ACOXL: variants seen among roughly 807,000 people sequenced by gnomAD.
ACOXL encodes acyl-coenzyme A oxidase-like protein.
A neutral mutation model predicts 71.9 loss-of-function variants in ACOXL; 70 were observed. The ratio of observed to expected loss-of-function variants is 0.97; its 90% CI spans 0.80 to 1.19. ACOXL has a LOEUF of 1.19. Ranked by LOEUF, ACOXL falls within the 50% of genes most tolerant of loss-of-function variation. The probability of loss-of-function intolerance (pLI) is 0.00; values close to 1 mark genes in which losing one functional copy is unlikely to be tolerated. For synonymous variants in ACOXL, 253 were observed against 281.6 expected, an observed-to-expected ratio of 0.90 and a Z score of 1.02; for missense variants, 703 against 736.3, an observed-to-expected ratio of 0.95 and a Z score of 0.52.
At chr2:110,922,130 T>C (rs1350393901) in intron 11 of ACOXL, among the ~76,000 whole-genome samples, 1 of 152,138 alleles carries the variant, frequency 6.6e-6, no homozygotes, top group Non-Finnish European at 1.5e-5. Context: ...AAGAAGGGGG[T>C]TGGCATTTCC....
chr2:110,854,152 G>GGGAGGGTGTGCCCTGCCCT (rs1692962242), intron 10 of ACOXL, among the ~76,000 whole-genome samples: 3 of 152,102 alleles, frequency 2.0e-5, no homozygotes, highest in Non-Finnish European at 4.4e-5. Flanking sequence ...TGCATGTGTG[G>GGGAGGGTGTGCCCTGCCCT]GGAGGGTGTG....
At chr2:110,990,791 T>G (rs2063140718) in intron 13 of ACOXL, among the ~76,000 whole-genome samples, 1 of 152,236 alleles carries the variant, frequency 6.6e-6, no homozygotes, top group African/African-American at 2.4e-5. Context: ...GTTAGTTTGG[T>G]GAATAATTTT....
At chr2:110,841,319 T>G in intron 9 of ACOXL, 52 bp from the exon 10 acceptor site, 1 of 1,404,160 alleles carries the variant, frequency 7.1e-7, no homozygotes, top group Non-Finnish European at 9.9e-7. Flanking sequence ...TTGTGTGAAT[T>G]CTGCATACTC....
chr2:110,766,557 A>G (rs1681095381), intron 1 of ACOXL, among the ~76,000 whole-genome samples: 2 of 152,190 alleles, frequency 1.3e-5, no homozygotes, highest in Non-Finnish European at 2.9e-5. Context: ...TGTCACCGGT[A>G]TGGGATGGAA....
intron 12 of ACOXL, among the ~76,000 whole-genome samples, chr2:110,940,591 G>A (rs1473384845): frequency 1.3e-5 from 2 of 152,160 alleles, no homozygotes; most frequent in Non-Finnish European, 1.5e-5. Flanking sequence ...AGTGCACACA[G>A]CAGCCCCTCA....
chr2:110,921,595 G>C (rs1314154966), intron 11 of ACOXL, among the ~76,000 whole-genome samples: 1 of 151,794 alleles, frequency 6.6e-6, no homozygotes, highest in Non-Finnish European at 1.5e-5. Flanking sequence ...GGGTTTCACC[G>C]TGTTAGCCAG....
chr2:110,865,809 A>G (rs930151481), intron 10 of ACOXL, among the ~76,000 whole-genome samples: 1 of 151,964 alleles, frequency 6.6e-6, no homozygotes, highest in African/African-American at 2.4e-5. Flanking sequence ...AAATGATAGC[A>G]TAATCTATCC....
chr2:110,844,021 A>T (rs1173665579), intron 10 of ACOXL, among the ~76,000 whole-genome samples: 3 of 152,226 alleles, frequency 2.0e-5, no homozygotes, highest in African/African-American at 7.2e-5. Flanking sequence ...TGAAGCCGGT[A>T]TTCACAAAAG....
intron 10 of ACOXL, among the ~76,000 whole-genome samples, chr2:110,843,517 G>A (rs1327872340): frequency 1.3e-5 from 2 of 152,196 alleles, no homozygotes; most frequent in Non-Finnish European, 2.9e-5. Context: ...GTGTGGAGGT[G>A]TGGGGTGGAT....
chr2:110,794,264 C>T (rs898427794), intron 5 of ACOXL, 90 bp downstream of exon 5: 3 of 1,253,312 alleles, frequency 2.4e-6, no homozygotes, highest in Non-Finnish European at 3.4e-6. Flanking sequence ...GCTTCACACC[C>T]TCTGTGTGTG....
At chr2:110,777,162 T>TAAACA (rs1323344433) in intron 2 of ACOXL, among the ~76,000 whole-genome samples, 2 of 152,078 alleles carry the variant, frequency 1.3e-5, no homozygotes, top group African/African-American at 4.8e-5. Flanking sequence ...GTTTGCGATG[T>TAAACA]TTAGGGTCAA....
intron 3 of ACOXL, among the ~76,000 whole-genome samples, chr2:110,790,464 G>T (rs192843918): frequency 6.6e-6 from 1 of 152,138 alleles, no homozygotes; most frequent in Non-Finnish European, 1.5e-5. Flanking sequence ...TCATTACCTC[G>T]TGTGCTCGAT....
At chr2:110,908,354 C>T (rs1370681644) in intron 10 of ACOXL, among the ~76,000 whole-genome samples, 2 of 152,188 alleles carry the variant, frequency 1.3e-5, no homozygotes, top group Non-Finnish European at 2.9e-5. Context: ...GTGAATCTGA[C>T]AGGAGCACCA....
At chr2:110,750,058 A>C (rs1678722866) in intron 1 of ACOXL, among the ~76,000 whole-genome samples, 1 of 152,180 alleles carries the variant, frequency 6.6e-6, no homozygotes, top group Non-Finnish European at 1.5e-5. Flanking sequence ...TTCCATCGAC[A>C]TGGCTTATCC....
At chr2:110,924,954 G>T (rs1259067978) in intron 11 of ACOXL, among the ~76,000 whole-genome samples, 1 of 152,138 alleles carries the variant, frequency 6.6e-6, no homozygotes, top group Non-Finnish European at 1.5e-5. Context: ...ACTGGAGAAT[G>T]GTGGTTGTGT....
intron 12 of ACOXL, among the ~76,000 whole-genome samples, chr2:110,984,492 C>T (rs541476439): frequency 6.6e-6 from 1 of 152,226 alleles, no homozygotes; most frequent in East Asian, 1.9e-4. Flanking sequence ...AAAGGGGCAT[C>T]AACAGCAGAA....
intron 2 of ACOXL, among the ~76,000 whole-genome samples, chr2:110,772,286 AC>A (rs1487746773): frequency 6.6e-6 from 1 of 152,184 alleles, no homozygotes; most frequent in African/African-American, 2.4e-5. Context: ...AAGCAGCCAG[AC>A]AACTTTCAAA....
intron 16 of ACOXL, among the ~76,000 whole-genome samples, chr2:111,049,588 A>C (rs977432921): frequency 3.3e-5 from 5 of 152,122 alleles, no homozygotes; most frequent in African/African-American, 4.8e-5. Context: ...ATGCTTTTTT[A>C]GCAGATTTAT....
intron 1 of ACOXL, among the ~76,000 whole-genome samples, chr2:110,755,136 AT>A (rs1679497787): frequency 6.6e-6 from 1 of 152,176 alleles, no homozygotes; most frequent in Non-Finnish European, 1.5e-5. Context: ...GGGAAGTCAG[AT>A]GATGGTGGAG....
Sources: gnomAD v4.1 joint callset for allele counts (sites outside exome capture counted in the v4.1 genomes callset) on GRCh38, gnomAD v4.1.1 for gene constraint, MANE v1.5 for transcripts, NCBI Gene and HGNC (gene_info 2026-07-23, HGNC 2026-07-21) for gene names.